CTNNA3: variants seen among roughly 807,000 people sequenced by gnomAD.
CTNNA3 encodes the protein catenin alpha-3.
Under a neutral mutation model 95.7 loss-of-function variants are expected in CTNNA3, and 76 were observed. The observed-to-expected ratio is 0.79, with a 90% confidence interval of 0.66 to 0.96. The LOEUF is 0.96. CTNNA3 is among the 40% of genes least tolerant of loss of function. The pLI is 0.00. For missense variants in CTNNA3, 1,191 were observed against 1,089.8 expected (o/e 1.09, Z -1.31); for synonymous variants, 431 against 374.4 (o/e 1.15, Z -1.74).
intron 11 of CTNNA3, among the ~76,000 whole-genome samples, chr10:66,462,063 T>TC (rs1019140697): frequency 1.3e-5 from 2 of 151,452 alleles, no homozygotes; most frequent in African/African-American, 2.4e-5. Context: ...ACCCACCTCG[T>TC]CCCCCCAAAG....
intron 3 of CTNNA3, among the ~76,000 whole-genome samples, chr10:67,584,435 T>G (rs1842544728): frequency 6.6e-6 from 1 of 152,204 alleles, no homozygotes; most frequent in Non-Finnish European, 1.5e-5. Context: ...GGAAGCTTCA[T>G]CTCAGAGGGT....
At chr10:66,053,115 G>GT (rs2079997848) in intron 15 of CTNNA3, among the ~76,000 whole-genome samples, 2 of 151,946 alleles carry the variant, frequency 1.3e-5, no homozygotes, top group East Asian at 1.9e-4. Flanking sequence ...ATCTTACTGT[G>GT]TTTTTTTAAA....
At chr10:67,561,822 A>G (rs900434158) in intron 3 of CTNNA3, among the ~76,000 whole-genome samples, 10 of 152,194 alleles carry the variant, frequency 6.6e-5, no homozygotes, top group African/African-American at 9.7e-5. Context: ...CGCCAATGCC[A>G]CAGAAATACA....
At chr10:65,981,101 C>T (rs2078311386) in intron 16 of CTNNA3, among the ~76,000 whole-genome samples, 1 of 151,998 alleles carries the variant, frequency 6.6e-6, no homozygotes, top group Non-Finnish European at 1.5e-5. Flanking sequence ...ACCCTAAAGA[C>T]TCATCCAAGA....
chr10:66,866,002 A>G (rs1844160266), intron 7 of CTNNA3, among the ~76,000 whole-genome samples: 2 of 152,136 alleles, frequency 1.3e-5, no homozygotes, highest in Admixed American at 1.3e-4. Flanking sequence ...AATTGCCTAT[A>G]CCTAAATATG....
chr10:66,296,818 G>A (rs1369918684), intron 12 of CTNNA3, among the ~76,000 whole-genome samples: 5 of 152,072 alleles, frequency 3.3e-5, no homozygotes, highest in African/African-American at 9.7e-5. Flanking sequence ...ACAAGGCTTT[G>A]AAAGCTTGAT....
At chr10:66,304,816 A>G (rs2132238682) in intron 12 of CTNNA3, among the ~76,000 whole-genome samples, 1 of 152,306 alleles carries the variant, frequency 6.6e-6, no homozygotes, top group African/African-American at 2.4e-5. Context: ...TGATTAAGTA[A>G]GAGTGGGGAG....
At chr10:66,293,848 G>T (rs1439875242) in intron 12 of CTNNA3, among the ~76,000 whole-genome samples, 1 of 151,778 alleles carries the variant, frequency 6.6e-6, no homozygotes, top group Non-Finnish European at 1.5e-5. Context: ...TGTGTTTTTA[G>T]TAGAGACGGG....
intron 11 of CTNNA3, among the ~76,000 whole-genome samples, chr10:66,412,109 T>C (rs2093109930): frequency 2.0e-5 from 3 of 151,988 alleles, no homozygotes; most frequent in African/African-American, 7.2e-5. Flanking sequence ...CTAAGCTGAG[T>C]AAGACAGGAA....
intron 12 of CTNNA3, among the ~76,000 whole-genome samples, chr10:66,280,881 T>G (rs986362710): frequency 5.3e-5 from 8 of 151,862 alleles, no homozygotes; most frequent in Non-Finnish European, 1.2e-4. Context: ...ATTATATAAA[T>G]GTTTTAAAAG....
chr10:66,809,166 T>C (rs1329881495), intron 7 of CTNNA3, among the ~76,000 whole-genome samples: 2 of 152,168 alleles, frequency 1.3e-5, no homozygotes, highest in African/African-American at 2.4e-5. Flanking sequence ...AACTTTAAAA[T>C]TGTTGTATTA....
At chr10:67,541,953 CA>C (rs1323615284) in intron 3 of CTNNA3, among the ~76,000 whole-genome samples, 1 of 151,942 alleles carries the variant, frequency 6.6e-6, no homozygotes, top group African/African-American at 2.4e-5. Flanking sequence ...AAATATATAT[CA>C]AAAAATTATG....
At chr10:66,860,094 C>T (rs1384300057) in intron 7 of CTNNA3, among the ~76,000 whole-genome samples, 3 of 146,986 alleles carry the variant, frequency 2.0e-5, no homozygotes, top group Non-Finnish European at 4.5e-5. Context: ...TGCAGCATAC[C>T]AGCATGGCAC....
chr10:66,921,621 A>C (rs1031878348), intron 7 of CTNNA3, among the ~76,000 whole-genome samples: 1 of 152,122 alleles, frequency 6.6e-6, no homozygotes, highest in Non-Finnish European at 1.5e-5. Flanking sequence ...ATATACATTT[A>C]AGTCTCACAA....
chr10:66,094,791 CCT>C (rs1191054303), intron 14 of CTNNA3, among the ~76,000 whole-genome samples: 1 of 152,102 alleles, frequency 6.6e-6, no homozygotes, highest in Non-Finnish European at 1.5e-5. Flanking sequence ...ATAAAGTCTT[CCT>C]CTCTTATTTA....
At chr10:66,173,590 G>T (rs559653407) in intron 13 of CTNNA3, among the ~76,000 whole-genome samples, 1 of 152,026 alleles carries the variant, frequency 6.6e-6, no homozygotes, top group South Asian at 2.1e-4. Context: ...AGCTGAGACA[G>T]GAGGATCACT....
At chr10:67,758,253 A>G (rs2131755496) in intron 1 of CTNNA3, among the ~76,000 whole-genome samples, 1 of 151,374 alleles carries the variant, frequency 6.6e-6, no homozygotes, top group East Asian at 1.9e-4. Context: ...ACATAAAACA[A>G]TTCCTATAAT....
At chr10:66,918,682 G>A (rs796328170) in intron 7 of CTNNA3, among the ~76,000 whole-genome samples, 3 of 152,288 alleles carry the variant, frequency 2.0e-5, no homozygotes, top group African/African-American at 7.2e-5. Flanking sequence ...CAATGTGTGG[G>A]CTTTTTCTAA....
intron 7 of CTNNA3, among the ~76,000 whole-genome samples, chr10:66,855,052 C>T (rs1360186488): frequency 6.6e-6 from 1 of 151,806 alleles, no homozygotes; most frequent in Non-Finnish European, 1.5e-5. Context: ...TAAATAATAG[C>T]TATTATTGTG....
Sources: allele counts gnomAD v4.1 joint callset (sites outside exome capture counted in the v4.1 genomes callset), GRCh38; gene constraint gnomAD v4.1.1; transcripts MANE v1.5; gene names NCBI Gene and HGNC (gene_info 2026-07-23, HGNC 2026-07-21).